Variants in DAB1 observed in about 807,000 individuals in gnomAD.
The protein encoded by DAB1 is DAB adaptor protein 1.
A neutral mutation model predicts 64.6 loss-of-function variants in DAB1; 15 were observed. The observed-to-expected ratio is 0.23, with a 90% CI of 0.16 to 0.36. The LOEUF (loss-of-function observed/expected upper bound fraction) is 0.36, where lower values mean the gene tolerates loss of function less well. DAB1 is among the 10% of genes least tolerant of loss of function. The pLI is 1.00. For missense variants in DAB1, 596 were observed against 706.7 expected, an observed-to-expected ratio of 0.84 and a Z score of 1.78; for synonymous variants, 235 against 251.9, an observed-to-expected ratio of 0.93 and a Z score of 0.64.
chr1:57,291,215 T>A, intron 1 of DAB1, 49 bp from the exon 2 acceptor site: 1 of 417,576 alleles, frequency 2.4e-6, no homozygotes. Flanking sequence ...GTTATGAAGT[T>A]AAACAGAAAT....
At chr1:57,044,779 A>T (rs534799262) in intron 9 of DAB1, among the ~76,000 whole-genome samples, 3 of 152,336 alleles carry the variant, frequency 2.0e-5, no homozygotes, top group Non-Finnish European at 2.9e-5. Flanking sequence ...AGACAAAAAA[A>T]GTACATTCTG....
intron 6 of DAB1, among the ~76,000 whole-genome samples, chr1:57,695,299 G>GA (rs1233856758): frequency 5.4e-5 from 2 of 37,188 alleles, no homozygotes; most frequent in African/African-American, 1.3e-4. Context: ...GGAGAGAGAA[G>GA]GAAAGAAAGA....
chr1:57,230,320 GAA>G (rs77981305), intron 2 of DAB1, among the ~76,000 whole-genome samples: 6 of 91,340 alleles, frequency 6.6e-5, no homozygotes, highest in African/African-American at 1.9e-4. Context: ...CCCCTTCAGA[GAA>G]AAAAAAAAAA....
chr1:57,991,594 T>C (rs974630606), intron 5 of DAB1, among the ~76,000 whole-genome samples: 3 of 152,066 alleles, frequency 2.0e-5, no homozygotes, highest in Non-Finnish European at 4.4e-5. Flanking sequence ...ATGCCTGTAA[T>C]CCTAGCACTT....
At chr1:58,394,843 C>A (rs372888734) in intron 3 of DAB1, among the ~76,000 whole-genome samples, 1 of 151,898 alleles carries the variant, frequency 6.6e-6, no homozygotes, top group South Asian at 2.1e-4. Context: ...TACTACTGTA[C>A]GTATTTGTCA....
chr1:58,109,260 T>C (rs1651838688), intron 5 of DAB1, among the ~76,000 whole-genome samples: 1 of 152,200 alleles, frequency 6.6e-6, no homozygotes, highest in Admixed American at 6.5e-5. Context: ...TTTGTGAGCA[T>C]ATGCATACCA....
At chr1:57,710,797 C>T (rs538224772) in intron 6 of DAB1, among the ~76,000 whole-genome samples, 42 of 152,146 alleles carry the variant, frequency 2.8e-4, no homozygotes, top group Middle Eastern at 6.8e-3. Flanking sequence ...AGGCCAGCCA[C>T]GACACATGGA....
intron 5 of DAB1, among the ~76,000 whole-genome samples, chr1:58,005,594 G>T (rs1646569905): frequency 7.2e-6 from 1 of 138,560 alleles, no homozygotes; most frequent in Non-Finnish European, 1.5e-5. Flanking sequence ...GGGGCTCTGT[G>T]CGCCTGCCTT....
At chr1:57,528,933 G>A (rs1157442595) in intron 7 of DAB1, among the ~76,000 whole-genome samples, 1 of 152,084 alleles carries the variant, frequency 6.6e-6, no homozygotes, top group African/African-American at 2.4e-5. Context: ...AAGTTATTCA[G>A]GCTAAGGGGA....
chr1:57,658,306 CT>C (rs1165560066), intron 6 of DAB1, among the ~76,000 whole-genome samples: 2,686 of 131,162 alleles, frequency 0.02, 36 homozygotes, highest in African/African-American at 0.069. Flanking sequence ...CAATTTTGTT[CT>C]TTTTTTTTTT....
chr1:57,540,971 G>T (rs1296442956), intron 7 of DAB1, among the ~76,000 whole-genome samples: 9 of 152,224 alleles, frequency 5.9e-5, no homozygotes, highest in African/African-American at 1.9e-4. Flanking sequence ...CTAGAAGAGA[G>T]GATTCAGAAT....
At chr1:58,091,124 C>A (rs1650633143) in intron 5 of DAB1, among the ~76,000 whole-genome samples, 1 of 152,212 alleles carries the variant, frequency 6.6e-6, no homozygotes, top group Admixed American at 6.5e-5. Context: ...CCCTCCGGCT[C>A]CCCTGCAGGA....
At chr1:57,490,346 T>A (rs76021492) in intron 7 of DAB1, among the ~76,000 whole-genome samples, 2,142 of 152,280 alleles carry the variant, frequency 0.014, 57 homozygotes, top group African/African-American at 0.049. Context: ...TTCTGGAAGA[T>A]CTGAGATCAG....
chr1:58,224,950 A>T (rs966215365), intron 4 of DAB1, among the ~76,000 whole-genome samples: 12 of 152,312 alleles, frequency 7.9e-5, no homozygotes, highest in Admixed American at 7.2e-4. Context: ...CAAAAGCCAA[A>T]ATTGACAAAT....
intron 5 of DAB1, among the ~76,000 whole-genome samples, chr1:58,058,205 C>T (rs888091516): frequency 2.0e-5 from 3 of 152,092 alleles, no homozygotes; most frequent in South Asian, 4.1e-4. Flanking sequence ...ACTACATACT[C>T]AGTACCATTC....
intron 1 of DAB1, among the ~76,000 whole-genome samples, chr1:57,348,573 T>C (rs979575888): frequency 1.3e-5 from 2 of 152,172 alleles, no homozygotes; most frequent in Non-Finnish European, 2.9e-5. Flanking sequence ...GGCACAGTTA[T>C]GTATACATCA....
intron 4 of DAB1, among the ~76,000 whole-genome samples, chr1:58,339,121 T>A (rs114066837): frequency 0.015 from 2,256 of 152,262 alleles, 20 homozygotes; most frequent in African/African-American, 0.031. Context: ...AGTCACTGAA[T>A]CTTACACTTT....
intron 6 of DAB1, among the ~76,000 whole-genome samples, chr1:57,815,723 A>G (rs1051318248): frequency 6.6e-6 from 1 of 151,862 alleles, no homozygotes; most frequent in Non-Finnish European, 1.5e-5. Context: ...TGGTTTCTTC[A>G]GCTGCCCCCA....
At chr1:57,091,110 T>C (rs978589802) in intron 4 of DAB1, among the ~76,000 whole-genome samples, 2 of 152,100 alleles carry the variant, frequency 1.3e-5, no homozygotes, top group African/African-American at 4.8e-5. Context: ...GGTTTCTTCT[T>C]GCCACATCCC....
Sources: gnomAD v4.1 joint callset for allele counts (sites outside exome capture counted in the v4.1 genomes callset) on GRCh38, gnomAD v4.1.1 for gene constraint, MANE v1.5 for transcripts, NCBI Gene and HGNC (gene_info 2026-07-23, HGNC 2026-07-21) for gene names.